USP31: variants seen among roughly 807,000 people sequenced by gnomAD.
The protein encoded by USP31 is ubiquitin carboxyl-terminal hydrolase 31.
Under a neutral mutation model 119.4 loss-of-function variants are expected in USP31, and 44 were observed. The ratio of observed to expected loss-of-function variants is 0.37; its 90% confidence interval spans 0.29 to 0.47. USP31 has a LOEUF of 0.47. Ranked by LOEUF, USP31 falls within the 20% of genes least tolerant of loss-of-function variation. The pLI, the probability that USP31 is intolerant of heterozygous loss-of-function variation, is 0.99. For missense variants in USP31, 1,643 were observed against 1,730.2 expected (o/e 0.95, Z 0.89); for synonymous variants, 749 against 705.6 (o/e 1.06, Z -0.97).
intron 5 of USP31, 135 bp downstream of exon 5, chr16:23,105,306 T>C: frequency 8.6e-7 from 1 of 1,160,838 alleles, no homozygotes; most frequent in Non-Finnish European, 1.1e-6. Flanking sequence ...CTTGATTTTT[T>C]TCCCTAAACT....
chr16:23,077,243 T>G (rs914661601), intron 13 of USP31, among the ~76,000 whole-genome samples: 5 of 152,228 alleles, frequency 3.3e-5, no homozygotes, highest in Non-Finnish European at 2.9e-5. Context: ...GCGCTCAAAG[T>G]TGGGATCATT....
chr16:23,128,360 A>G (rs912189649), intron 1 of USP31, among the ~76,000 whole-genome samples: 1 of 152,198 alleles, frequency 6.6e-6, no homozygotes, highest in Non-Finnish European at 1.5e-5. Flanking sequence ...TTGAGAGTCG[A>G]CTTGTCCCAC....
intron 1 of USP31, chr16:23,115,741 A>T: frequency 1.0e-6 from 1 of 977,644 alleles, no homozygotes; most frequent in Non-Finnish European, 1.2e-6. Context: ...ACTAAATAAT[A>T]AAGTAAAAGG....
At chr16:23,146,637 G>A (rs915290936) in intron 1 of USP31, among the ~76,000 whole-genome samples, 5 of 152,028 alleles carry the variant, frequency 3.3e-5, no homozygotes, top group Non-Finnish European at 5.9e-5. Context: ...AAACAGCAAC[G>A]ATTTTTTTCC....
chr16:23,118,472 G>T (rs1902567448), intron 1 of USP31, among the ~76,000 whole-genome samples: 1 of 152,032 alleles, frequency 6.6e-6, no homozygotes, highest in Non-Finnish European at 1.5e-5. Context: ...TATTTTTAAT[G>T]ACTATTTCTA....
intron 6 of USP31, among the ~76,000 whole-genome samples, chr16:23,094,299 C>T (rs889145741): frequency 6.6e-6 from 1 of 152,178 alleles, no homozygotes; most frequent in Non-Finnish European, 1.5e-5. Flanking sequence ...GGGGGAGGGG[C>T]ATCCACCATT....
chr16:23,081,749 G>A (rs1234288034), intron 12 of USP31, among the ~76,000 whole-genome samples: 1 of 152,184 alleles, frequency 6.6e-6, no homozygotes, highest in Non-Finnish European at 1.5e-5. Flanking sequence ...CCTCTGGACT[G>A]CCTGCCCACC....
intron 1 of USP31, among the ~76,000 whole-genome samples, chr16:23,117,457 C>A (rs1567241801): frequency 6.6e-6 from 1 of 152,152 alleles, no homozygotes. Context: ...TACTGCATTT[C>A]AAGAAATTAT....
chr16:23,114,212 GAGA>G (rs1226987703), intron 1 of USP31, among the ~76,000 whole-genome samples: 1 of 152,196 alleles, frequency 6.6e-6, no homozygotes, highest in African/African-American at 2.4e-5. Context: ...AGAGATGGAA[GAGA>G]AGGAGGTAAA....
chr16:23,101,514 G>A (rs1458757161), intron 6 of USP31, among the ~76,000 whole-genome samples: 1 of 152,140 alleles, frequency 6.6e-6, no homozygotes, highest in Non-Finnish European at 1.5e-5. Context: ...GGAAAATCCT[G>A]ATAAGAGCGG....
Position 23,068,977 on chromosome 16 carries a change from C to T in USP31, c.3128G>A (p.Arg1043Lys), listed in dbSNP as rs1900220203. The T allele has an allele frequency of 6.2e-7, 1 of 1,614,158 alleles. No homozygotes were observed. The highest frequency in any genetic ancestry group is 1.7e-5 in the Admixed American group (1 of 60,020). The change falls in exon 16 of 16, where the codon AGA becomes AAA. Residue 1043 changes from arginine (R) to lysine (K), a missense_variant. This residue lies in a region of USP31 where 699 missense variants were observed against 650.9 expected (regional missense o/e 1.07). Coordinates refer to ENST00000219689, the MANE Select transcript of USP31 (RefSeq NM_020718.4). ...TGACTCCTGGCTTGCCAAGGCTGGTCTCCCCTTCCGCAAGCTTTTCTCTGG... is the reference window on the plus strand; with the variant it reads ...TGACTCCTGGCTTGCCAAGGCTGGTTTCCCCTTCCGCAAGCTTTTCTCTGG... ...SEPEKSLRKG[R>K]PALASQESSL...
At position 23,069,542 on chromosome 16, in the gene USP31, G is replaced by T; in HGVS notation, c.2563C>A (p.Pro855Thr). The T allele has an allele frequency of 4.3e-6, 7 of 1,614,102 alleles. No individual in the cohort carries two copies. The highest frequency in any genetic ancestry group is 5.1e-6 in the Non-Finnish European group (6 of 1,179,962). ...SLSSRSSVTS[P>T]LAVNENCMRP... is the part of the protein sequence containing the mutation. ...ATGCAATTTTCATTGACGGCCAAGG[G>T]GCTGGTGACAGAAGATCTGGATGAC... The change falls in exon 16 of 16, where the codon CCC becomes ACC. Residue 855 changes from proline to threonine, a missense_variant. Pro to Thr is a conservative substitution (Grantham distance 38). Around this residue, in one of 5 missense-constraint regions of USP31, gnomAD observed 699 missense variants for 650.9 expected, o/e 1.07. Transcript: ENST00000219689.
At chr16:23,080,223 G>A in intron 12 of USP31, 52 bp from the exon 13 acceptor site, 5 of 1,467,716 alleles carry the variant, frequency 3.4e-6, no homozygotes, top group Non-Finnish European at 3.7e-6. Context: ...CAAGCAGATG[G>A]CAGATCACTT....
intron 1 of USP31, among the ~76,000 whole-genome samples, chr16:23,144,521 C>G (rs1486311191): frequency 2.0e-5 from 3 of 151,942 alleles, no homozygotes; most frequent in Non-Finnish European, 2.9e-5. Context: ...ACTCTGTCAC[C>G]CAGGCTGGAG....
intron 10 of USP31, 40 bp from the exon 11 acceptor site, chr16:23,085,029 G>A: frequency 6.2e-7 from 1 of 1,605,388 alleles, no homozygotes; most frequent in Non-Finnish European, 8.5e-7. Context: ...GGAATGTCTT[G>A]CAAAACAGAA....
chr16:23,100,204 C>A (rs935386133), intron 6 of USP31, among the ~76,000 whole-genome samples: 15 of 152,224 alleles, frequency 9.9e-5, no homozygotes, highest in African/African-American at 3.6e-4. Flanking sequence ...CATAAGTCCA[C>A]ACAAAAACTT....
chr16:23,141,845 G>A (rs970107247), intron 1 of USP31, among the ~76,000 whole-genome samples: 12 of 152,106 alleles, frequency 7.9e-5, no homozygotes, highest in Admixed American at 5.9e-4. Context: ...TACAATATGT[G>A]GCATGGAGTT....
intron 13 of USP31, among the ~76,000 whole-genome samples, chr16:23,075,400 C>T (rs1596685861): frequency 6.6e-6 from 1 of 152,264 alleles, no homozygotes; most frequent in South Asian, 2.1e-4. Flanking sequence ...TCTTCTCAGT[C>T]ACAGTGTGGA....
Position 23,062,677 on chromosome 16 carries a change from A to T in USP31, c.*5369T>A, listed in dbSNP as rs888043950. Reference sequence around the variant, plus strand: ...GGAAAAGGTTCTGGGGACAGATGCAAACCCCGCGGGGACACTCAGCCTGCT... The same window carrying T: ...GGAAAAGGTTCTGGGGACAGATGCATACCCCGCGGGGACACTCAGCCTGCT... On this transcript the variant is annotated 3_prime_UTR_variant, in exon 16 of 16. Coordinates refer to ENST00000219689, the MANE Select transcript of USP31 (RefSeq NM_020718.4). The T allele has an allele frequency of 7.9e-5, 12 of 152,530 alleles. No individual in the cohort carries two copies. Among genetic ancestry groups the T allele is most frequent in the African/African-American group, 2.9e-4 (12 of 41,542 alleles). 9.4% of individuals were successfully genotyped at this position (152,530 alleles called of 1,614,324 possible). A position where few individuals can be genotyped will look rare whatever the true frequency, so the allele number is the denominator to read the frequency against.
Sources: allele counts gnomAD v4.1 joint callset (sites outside exome capture counted in the v4.1 genomes callset), GRCh38; gene constraint gnomAD v4.1.1; regional missense constraint gnomAD v4.1.1; transcripts MANE v1.5; gene names NCBI Gene and HGNC (gene_info 2026-07-23, HGNC 2026-07-21).